The following LATS1 variants were observed in gnomAD, a reference collection of about 807,000 sequenced individuals.
The protein encoded by LATS1 is large tumor suppressor kinase 1.
In LATS1, 25 loss-of-function variants were observed where a neutral mutation model predicts 106.6. That is an observed-to-expected ratio of 0.23 (90% CI 0.17 to 0.33). The LOEUF (loss-of-function observed/expected upper bound fraction) is 0.33. Among genes scored for constraint, LATS1 ranks in the 10% least tolerant of loss-of-function variants. The pLI, the probability that LATS1 is intolerant of heterozygous loss-of-function variation, is 1.00. For synonymous variants in LATS1, 465 were observed against 455.6 expected (o/e 1.02, Z -0.26); for missense variants, 1,040 against 1,382.6 (o/e 0.75, Z 3.93).
intron 7 of LATS1, among the ~76,000 whole-genome samples, chr6:149,672,129 G>C (rs1781472749): frequency 6.6e-6 from 1 of 151,592 alleles, no homozygotes; most frequent in South Asian, 2.1e-4. Context: ...CTGACCTCAA[G>C]TGATCCGCCC....
At chr6:149,676,429 T>C (rs1582859964) in intron 6 of LATS1, 63 bp from the exon 7 acceptor site, 1 of 1,379,494 alleles carries the variant, frequency 7.2e-7, no homozygotes, top group Non-Finnish European at 1.0e-6. Context: ...AAAATTAACA[T>C]TAAATCACCA....
intron 1 of LATS1, among the ~76,000 whole-genome samples, chr6:149,705,581 TGACA>T (rs1285914429): frequency 6.6e-6 from 1 of 151,536 alleles, no homozygotes; most frequent in Non-Finnish European, 1.5e-5. Flanking sequence ...AAGATCATTC[TGACA>T]GAGAGAGAGA....
intron 1 of LATS1, 22 bp from the exon 2 acceptor site, chr6:149,702,288 G>A: frequency 1.8e-6 from 1 of 566,378 alleles, no homozygotes; most frequent in Non-Finnish European, 3.1e-6. Context: ...AGAAAGAAAG[G>A]AAAGCTATAA....
At chr6:149,675,215 CAA>C (rs67049932) in intron 7 of LATS1, among the ~76,000 whole-genome samples, 157 of 111,534 alleles carry the variant, frequency 1.4e-3, no homozygotes, top group Admixed American at 3.1e-3. Context: ...GACTCTGTAT[CAA>C]AAAAAAAAAA....
chr6:149,683,242 G>A lies in LATS1; in HGVS notation c.1847C>T (p.Thr616Ile), dbSNP rs1207416732. ...EKKQITTSPI[T>I]VRKNKKDEER... ...TTCATCTTTCTTGTTTTTCCTAACA[G>A]TAATAGGTGAAGTTGTAATCTGTTT... The change falls in exon 4 of 8, where the codon ACT becomes ATT. Residue 616 changes from threonine (T) to isoleucine (I), a missense_variant. This residue lies in a region of LATS1 where 167 missense variants were observed against 332.1 expected (regional missense o/e 0.50). Transcript: ENST00000543571. The A allele has an allele frequency of 1.2e-6, 2 of 1,613,890 alleles. No homozygotes were observed. Among genetic ancestry groups the A allele is most frequent in the South Asian group, 2.2e-5 (2 of 91,070 alleles).
chr6:149,711,459 G>T (rs1784090492), intron 1 of LATS1, among the ~76,000 whole-genome samples: 1 of 152,156 alleles, frequency 6.6e-6, no homozygotes, highest in African/African-American at 2.4e-5. Flanking sequence ...CAGAAGAATT[G>T]CTTGAACCTG....
At chr6:149,717,615 A>G (rs904395194) in intron 1 of LATS1, 2 of 154,508 alleles carry the variant, frequency 1.3e-5, no homozygotes, top group East Asian at 1.9e-4. Flanking sequence ...TCCGAGGCCG[A>G]AAAGCCTGGG....
intron 5 of LATS1, among the ~76,000 whole-genome samples, chr6:149,677,879 G>A (rs894795638): frequency 6.6e-6 from 1 of 151,888 alleles, no homozygotes; most frequent in Non-Finnish European, 1.5e-5. Flanking sequence ...AATTAGCTGG[G>A]TGTGGTGGAG....
rs200912879 is a variant in LATS1 at position 149,659,178 on chromosome 6, C to T, written c.*2551G>A. On this transcript the variant is annotated 3_prime_UTR_variant, in exon 8 of 8. Coordinates refer to ENST00000543571, the MANE Select transcript of LATS1 (RefSeq NM_004690.4). ...TATCAGAGGAAATTTTAAAAGAATA[C>T]ATATTTGCGCCAGGCGCGGTGGGTC... The T allele has an allele frequency of 4.0e-5, 7 of 174,146 alleles. No individual in the cohort carries two copies. The East Asian group carries it at 7.2e-4, about 18-fold the overall frequency. 10.8% of individuals were successfully genotyped at this position (174,146 alleles called of 1,614,324 possible).
intron 7 of LATS1, among the ~76,000 whole-genome samples, chr6:149,666,875 C>T (rs1415683489): frequency 8.8e-5 from 13 of 148,376 alleles, no homozygotes; most frequent in Middle Eastern, 3.3e-3. Context: ...ACTCAGGAGG[C>T]GGAGCTTGCA....
At chr6:149,674,440 A>C (rs1190133748) in intron 7 of LATS1, among the ~76,000 whole-genome samples, 1 of 152,130 alleles carries the variant, frequency 6.6e-6, no homozygotes, top group Non-Finnish European at 1.5e-5. Flanking sequence ...CAGTGGCACA[A>C]ATATGGCTCA....
chr6:149,686,473 A>T (rs777377707), intron 3 of LATS1, among the ~76,000 whole-genome samples: 25 of 151,940 alleles, frequency 1.6e-4, no homozygotes, highest in Non-Finnish European at 3.2e-4. Context: ...GAACCTTTCC[A>T]CCATGCCCTC....
At chr6:149,662,369 A>G (rs899600098) in intron 7 of LATS1, 131 bp from the exon 8 acceptor site, 2 of 863,530 alleles carry the variant, frequency 2.3e-6, no homozygotes, top group African/African-American at 3.4e-5. Flanking sequence ...TTTGCTGGAA[A>G]ATAATTTTTT....
At chr6:149,704,885 T>TACACACACACAC (rs1491407237) in intron 1 of LATS1, among the ~76,000 whole-genome samples, 14 of 64,048 alleles carry the variant, frequency 2.2e-4, no homozygotes, top group African/African-American at 7.5e-4. Flanking sequence ...AGAAATTAAT[T>TACACACACACAC]ATACACACAC....
At chr6:149,678,716 C>T (rs1781868589) in intron 5 of LATS1, among the ~76,000 whole-genome samples, 1 of 152,114 alleles carries the variant, frequency 6.6e-6, no homozygotes, top group African/African-American at 2.4e-5. Flanking sequence ...CTTGGTGAGG[C>T]AGTGTGGTGT....
Position 149,683,092 on chromosome 6 carries a change from T to C in LATS1, c.1997A>G (p.Asn666Ser). 7 of 1,611,068 alleles carry C rather than the reference T, an allele frequency of 4.3e-6. No individual in the cohort carries two copies. The highest frequency in any genetic ancestry group is 5.9e-6 in the Non-Finnish European group (7 of 1,178,622). The change falls in exon 4 of 8, where the codon AAT becomes AGT. Residue 666 changes from asparagine (N) to serine (S), a missense_variant. Asn to Ser is a conservative substitution (Grantham distance 46). Coordinates refer to ENST00000543571, the MANE Select transcript of LATS1 (RefSeq NM_004690.4). The part of the protein sequence containing the change: ...QRLHRKKQLE[N>S]EMMRVGLSQD... The stretch of plus-strand genomic sequence containing the variant: ...AAAAGGTTTTACCCGCATCATTTCA[T>C]TCTCTAATTGTTTTTTACGATGTAG...
At chr6:149,696,651 T>G (rs555763336) in intron 2 of LATS1, among the ~76,000 whole-genome samples, 1 of 151,968 alleles carries the variant, frequency 6.6e-6, no homozygotes, top group African/African-American at 2.4e-5. Flanking sequence ...GCATAGTAGT[T>G]CTGGCTCTTA....
intron 1 of LATS1, among the ~76,000 whole-genome samples, chr6:149,708,514 C>T (rs1010327967): frequency 9.9e-5 from 15 of 152,026 alleles, no homozygotes; most frequent in Admixed American, 3.3e-4. Context: ...TAGCCAATTG[C>T]TTTTGGTAAA....
Position 149,684,539 on chromosome 6 carries a change from A to G in LATS1, c.550T>C (p.Ser184Pro). The G allele has an allele frequency of 6.2e-7, 1 of 1,613,616 alleles. No individual in the cohort carries two copies. Among genetic ancestry groups the G allele is most frequent in the Non-Finnish European group, 8.5e-7 (1 of 1,179,652 alleles). ...GGGCCATGCCTCTGAGGAACTAAGG[A>G]TTCTTTAGAACCTTTCCAGCTCTGT... Reference protein sequence around the residue: ...RKQSWKGSKESLVPQRHGPPL... With the variant: ...RKQSWKGSKEPLVPQRHGPPL... The change falls in exon 4 of 8, where the codon TCC becomes CCC. Residue 184 changes from serine (S) to proline (P), a missense_variant. Physicochemically the swap from Ser to Pro is moderately conservative, Grantham distance 74. This residue lies in a region of LATS1 where 624 missense variants were observed against 714.8 expected (regional missense o/e 0.87). Coordinates refer to ENST00000543571, the MANE Select transcript of LATS1 (RefSeq NM_004690.4).
Sources: allele counts gnomAD v4.1 joint callset (sites outside exome capture counted in the v4.1 genomes callset), GRCh38; gene constraint gnomAD v4.1.1; regional missense constraint gnomAD v4.1.1; transcripts MANE v1.5; gene names NCBI Gene and HGNC (gene_info 2026-07-23, HGNC 2026-07-21).